WDR36: variants seen among roughly 807,000 people sequenced by gnomAD.
The protein encoded by WDR36 is WD repeat domain 36, also known as WD repeat-containing protein 36.
Under a neutral mutation model 112.7 loss-of-function variants are expected in WDR36, and 63 were observed. The observed-to-expected ratio is 0.56, with a 90% CI of 0.46 to 0.69. The LOEUF (loss-of-function observed/expected upper bound fraction) is 0.69. Ranked by LOEUF, WDR36 falls within the 30% of genes least tolerant of loss-of-function variation. The pLI, the probability that WDR36 is intolerant of heterozygous loss-of-function variation, is 0.00. For missense variants in WDR36, 1,226 were observed against 1,070.3 expected, an observed-to-expected ratio of 1.15 and a Z score of -2.03; for synonymous variants, 410 against 362.2, an observed-to-expected ratio of 1.13 and a Z score of -1.50.
At position 111,100,684 on chromosome 5, in the gene WDR36, G is replaced by A; in HGVS notation, c.505G>A (p.Glu169Lys). ...CTTGAATAAAATACTTCTGGGCAGT[G>A]AACAAGGAAGCCTGCAGTTGTGGAA... Reference protein sequence around the residue: ...TYLNKILLGSEQGSLQLWNVK... With the variant: ...TYLNKILLGSKQGSLQLWNVK... Residue 169 changes from glutamate to lysine, a missense_variant, in exon 5 of 23, where the codon GAA (glutamate) becomes AAA (lysine). Physicochemically the swap from Glu to Lys is moderately conservative, Grantham distance 56. Transcript: ENST00000513710. 2 of 1,609,196 alleles carry A rather than the reference G, an allele frequency of 1.2e-6. No individual in the cohort carries two copies. Among genetic ancestry groups the A allele is most frequent in the Admixed American group, 3.3e-5 (2 of 59,774 alleles).
chr5:111,104,641 T>A, intron 8 of WDR36, 56 bp from the exon 9 acceptor site: 1 of 1,609,858 alleles, frequency 6.2e-7, no homozygotes, highest in Non-Finnish European at 8.5e-7. Context: ...GTGATTTGAC[T>A]GCTTGCAGAT....
intron 1 of WDR36, 47 bp downstream of exon 1, chr5:111,092,665 G>A (rs1488288492): frequency 1.3e-6 from 2 of 1,577,840 alleles, no homozygotes; most frequent in East Asian, 2.3e-5. Flanking sequence ...ACCCTCCTTG[G>A]CCTCTAACTC....
intron 12 of WDR36, among the ~76,000 whole-genome samples, chr5:111,107,872 G>C (rs540421241): frequency 2.0e-5 from 3 of 151,446 alleles, no homozygotes; most frequent in Non-Finnish European, 4.4e-5. Context: ...GTACCACACT[G>C]TCTTGATTTT....
At chr5:111,105,247 C>T in intron 9 of WDR36, 48 bp from the exon 10 acceptor site, 1 of 1,549,794 alleles carries the variant, frequency 6.5e-7, no homozygotes, top group Non-Finnish European at 8.9e-7. Context: ...TCACATAGTC[C>T]CTTGTTTTAA....
At chr5:111,093,747 T>C (rs1305658021) in intron 1 of WDR36, among the ~76,000 whole-genome samples, 1 of 152,230 alleles carries the variant, frequency 6.6e-6, no homozygotes, top group East Asian at 1.9e-4. Context: ...TGACACTGCA[T>C]TACACACAGA....
intron 1 of WDR36, 85 bp downstream of exon 1, chr5:111,092,703 C>G: frequency 7.0e-7 from 1 of 1,433,304 alleles, no homozygotes; most frequent in East Asian, 2.4e-5. Context: ...GTTCTCCCTT[C>G]CCATTTACCA....
At chr5:111,104,663 T>C (rs754677473) in intron 8 of WDR36, 34 bp from the exon 9 acceptor site, 14 of 1,610,318 alleles carry the variant, frequency 8.7e-6, no homozygotes, top group African/African-American at 1.3e-5. Flanking sequence ...AGATGGAACA[T>C]TGTAGAAGAA....
chr5:111,121,485 A>T (rs770495246), intron 19 of WDR36, among the ~76,000 whole-genome samples: 1 of 152,126 alleles, frequency 6.6e-6, no homozygotes, highest in Admixed American at 6.5e-5. Flanking sequence ...CTATTATAAC[A>T]TATTTCTACT....
chr5:111,092,661 C>G, intron 1 of WDR36, 43 bp downstream of exon 1: 1 of 1,584,830 alleles, frequency 6.3e-7, no homozygotes, highest in Admixed American at 1.8e-5. Context: ...AACCACCCTC[C>G]TTGGCCTCTA....
chr5:111,123,513 A>T (rs1753612802), intron 19 of WDR36, among the ~76,000 whole-genome samples: 1 of 152,204 alleles, frequency 6.6e-6, no homozygotes, highest in Non-Finnish European at 1.5e-5. Context: ...ATCTTCATGT[A>T]AATATATTCA....
At chr5:111,116,146 C>T (rs2112583860) in intron 16 of WDR36, among the ~76,000 whole-genome samples, 1 of 151,372 alleles carries the variant, frequency 6.6e-6, no homozygotes, top group South Asian at 2.1e-4. Flanking sequence ...GCTGGGGTTT[C>T]ACCATGTGGC....
intron 2 of WDR36, among the ~76,000 whole-genome samples, chr5:111,095,685 A>T (rs1370563626): frequency 6.6e-6 from 1 of 152,218 alleles, no homozygotes; most frequent in East Asian, 1.9e-4. Context: ...CTGGTTATAC[A>T]TATAGTCCAA....
At chr5:111,093,573 A>G (rs1580387877) in intron 1 of WDR36, among the ~76,000 whole-genome samples, 1 of 152,250 alleles carries the variant, frequency 6.6e-6, no homozygotes, top group African/African-American at 2.4e-5. Flanking sequence ...GGTTAGAACC[A>G]TATTAATCAT....
At chr5:111,102,582 T>G (rs1753142630) in intron 6 of WDR36, among the ~76,000 whole-genome samples, 183 bp downstream of exon 6, 1 of 151,784 alleles carries the variant, frequency 6.6e-6, no homozygotes, top group Non-Finnish European at 1.5e-5. Context: ...ATAATGCCTT[T>G]GCCAATAACA....
chr5:111,111,116 G>C, intron 14 of WDR36, 54 bp from the exon 15 acceptor site: 1 of 1,582,630 alleles, frequency 6.3e-7, no homozygotes, highest in Non-Finnish European at 8.7e-7. Context: ...GTGGAGGTGA[G>C]ATTTTAGTTC....
intron 12 of WDR36, among the ~76,000 whole-genome samples, chr5:111,108,576 G>A (rs1753264651): frequency 1.3e-5 from 2 of 151,284 alleles, no homozygotes; most frequent in Non-Finnish European, 3.0e-5. Context: ...ACATAGTTTT[G>A]AATAATGGTT....
intron 5 of WDR36, among the ~76,000 whole-genome samples, chr5:111,101,820 C>G (rs1160466520): frequency 1.3e-5 from 2 of 151,544 alleles, no homozygotes; most frequent in East Asian, 3.9e-4. Flanking sequence ...CTGTCTTTGC[C>G]CATTTACAGA....
chr5:111,124,257 GA>G (rs1753630950), intron 21 of WDR36, 68 bp downstream of exon 21: 1 of 1,324,642 alleles, frequency 7.5e-7, no homozygotes, highest in East Asian at 2.5e-5. Flanking sequence ...AGGAGAAATT[GA>G]AGGAAATATC....
At chr5:111,095,334 G>T in intron 2 of WDR36, 1 of 192,258 alleles carries the variant, frequency 5.2e-6, no homozygotes. Context: ...CTGTTAGTTG[G>T]TTCTGTTCCT....
Sources: gnomAD v4.1 joint callset for allele counts (sites outside exome capture counted in the v4.1 genomes callset) on GRCh38, gnomAD v4.1.1 for gene constraint, MANE v1.5 for transcripts, NCBI Gene and HGNC (gene_info 2026-07-23, HGNC 2026-07-21) for gene names.